The following ZBTB10 variants were observed in gnomAD, a reference collection of about 807,000 sequenced individuals.
ZBTB10 encodes the protein zinc finger and BTB domain-containing protein 10.
Under a neutral mutation model 76.4 loss-of-function variants are expected in ZBTB10, and 32 were observed. The ratio of observed to expected loss-of-function variants is 0.42; its 90% CI spans 0.32 to 0.56. The LOEUF (loss-of-function observed/expected upper bound fraction) is 0.56, where lower values mean the gene tolerates loss of function less well. ZBTB10 is among the 20% of genes least tolerant of loss of function. The pLI is 0.14. For missense variants in ZBTB10, 1,057 were observed against 1,098.5 expected (o/e 0.96, Z 0.53); for synonymous variants, 523 against 432.9 (o/e 1.21, Z -2.58).
At position 80,519,756 on chromosome 8, in the gene ZBTB10, C is replaced by T. The variant is rs999445412; in HGVS notation, c.*228C>T. 12 of 434,050 alleles carry T rather than the reference C, an allele frequency of 2.8e-5. No individual in the cohort carries two copies. Among genetic ancestry groups the T allele is most frequent in the African/African-American group, 2.4e-4 (12 of 50,982 alleles). The allele number at this position is 434,050 out of a possible 1,614,324, so 26.9% of individuals were successfully genotyped here. A position where few individuals can be genotyped will look rare whatever the true frequency, so the allele number is the denominator to read the frequency against. On this transcript the variant is annotated 3_prime_UTR_variant, in exon 6 of 6. Transcript: ENST00000455036. ...TTGGATTACATGGAGTCCCCACATACTCAGTCAGTTATCAAAGTAAAATAT... is the reference window on the plus strand; with the variant it reads ...TTGGATTACATGGAGTCCCCACATATTCAGTCAGTTATCAAAGTAAAATAT...
chr8:80,508,277 AT>A (rs1377870189), intron 2 of ZBTB10, among the ~76,000 whole-genome samples: 1 of 152,178 alleles, frequency 6.6e-6, no homozygotes, highest in African/African-American at 2.4e-5. Context: ...ATAGAACTGA[AT>A]TTTTGGTTTC....
chr8:80,486,942 G>C lies in ZBTB10; in HGVS notation c.132G>C (p.Pro44=). 1.3e-6 allele frequency: 2 copies of C among 1,513,328 alleles called. No homozygotes were observed. Among genetic ancestry groups the C allele is most frequent in the Non-Finnish European group, 1.8e-6 (2 of 1,135,246 alleles). The allele number at this position is 1,513,328 out of a possible 1,614,324, so 93.7% of individuals were successfully genotyped here. ...EASAWPPQPQ[P]RQPPPPAPPA... ...CAGCTTGGCCTCCGCAGCCCCAGCCGAGACAGCCCCCGCCGCCAGCGCCGC... is the reference window on the plus strand; with the variant it reads ...CAGCTTGGCCTCCGCAGCCCCAGCCCAGACAGCCCCCGCCGCCAGCGCCGC... Residue 44 remains proline (P), a synonymous_variant, in exon 1 of 6, where the codon CCG becomes CCC. Coordinates refer to ENST00000455036, the MANE Select transcript of ZBTB10 (RefSeq NM_001105539.3).
intron 1 of ZBTB10, among the ~76,000 whole-genome samples, chr8:80,493,450 A>C (rs1047832007): frequency 2.0e-5 from 3 of 152,140 alleles, no homozygotes; most frequent in African/African-American, 7.2e-5. Flanking sequence ...TATGTGTTTC[A>C]ATCTAGAGGC....
Position 80,486,522 on chromosome 8 carries a change from C to T in ZBTB10, c.-289C>T, listed in dbSNP as rs1053903971. The T allele has an allele frequency of 5.1e-6, 5 of 985,708 alleles. No homozygotes were observed. In the African/African-American group the frequency reaches 7.0e-5, roughly 14 times the overall value. The allele number at this position is 985,708 out of a possible 1,614,324, so 61.1% of individuals were successfully genotyped here. On this transcript the variant is annotated 5_prime_UTR_variant, in exon 1 of 6. Transcript: ENST00000455036. ...TCGCTCCTCACCTCTCCGCCGCCCG[C>T]CCCCTTCTCCGCGCGGGACGCTGCC...
intron 2 of ZBTB10, 54 bp from the exon 3 acceptor site, chr8:80,513,856 G>C: frequency 1.4e-6 from 2 of 1,389,436 alleles, no homozygotes; most frequent in Non-Finnish European, 2.0e-6. Flanking sequence ...GTGGTGTTTT[G>C]GGTGGTGGCT....
chr8:80,494,665 C>T (rs1815734640), intron 1 of ZBTB10, among the ~76,000 whole-genome samples: 1 of 152,082 alleles, frequency 6.6e-6, no homozygotes, highest in African/African-American at 2.4e-5. Context: ...CACCTGTAAA[C>T]TTAGCACTCT....
chr8:80,498,854 G>A (rs1447604426), intron 1 of ZBTB10, among the ~76,000 whole-genome samples: 1 of 152,130 alleles, frequency 6.6e-6, no homozygotes, highest in Non-Finnish European at 1.5e-5. Context: ...ACAGTTTATA[G>A]TACTTATGAC....
In ZBTB10 at chr8:80,487,566, C is replaced by A. The variant is rs1315576591; in HGVS notation, c.756C>A (p.Thr252=). The change falls in exon 1 of 6, where the codon ACC becomes ACA. Residue 252 remains threonine, a synonymous_variant. Transcript: ENST00000455036. ...AGAAGCTCCAATGCTCCTTCCAGAC[C>A]TCCTGGCTCAAGGACTTTCCCTGGC... ...LMQKLQCSFQ[T]SWLKDFPWLR... 1 of 1,610,508 alleles carries A rather than the reference C, an allele frequency of 6.2e-7. No individual in the cohort carries two copies. Among genetic ancestry groups the A allele is most frequent in the Admixed American group, 1.7e-5 (1 of 59,216 alleles).
At chr8:80,508,586 T>G (rs1816115578) in intron 2 of ZBTB10, among the ~76,000 whole-genome samples, 1 of 152,170 alleles carries the variant, frequency 6.6e-6, no homozygotes, top group African/African-American at 2.4e-5. Flanking sequence ...CATGACGGGG[T>G]GCAGTGGAAC....
In ZBTB10 at chr8:80,499,919, C is replaced by T; in HGVS notation, c.1398C>T (p.Ser466=). ...RNFIKDALNI[S]IKSEAPESVV... Reference sequence around the variant, plus strand: ...TCATTAAAGATGCCTTAAATATAAGCATTAAATCAGAAGCTCCAGAGTCTG... The same window carrying T: ...TCATTAAAGATGCCTTAAATATAAGTATTAAATCAGAAGCTCCAGAGTCTG... The change falls in exon 2 of 6, where the codon AGC becomes AGT. Residue 466 remains serine (S), a synonymous_variant. Transcript: ENST00000455036. The T allele has an allele frequency of 6.2e-7, 1 of 1,613,796 alleles. No homozygotes were observed. The highest frequency in any genetic ancestry group is 2.2e-5 in the East Asian group (1 of 44,886).
intron 1 of ZBTB10, 38 bp from the exon 2 acceptor site, chr8:80,499,456 A>C (rs149102917): frequency 1.3e-6 from 2 of 1,506,452 alleles, no homozygotes; most frequent in African/African-American, 2.8e-5. Context: ...TAAAAAAGTC[A>C]ATAAAGTTTA....
intron 2 of ZBTB10, among the ~76,000 whole-genome samples, chr8:80,509,668 T>C (rs986983776): frequency 3.3e-5 from 5 of 152,214 alleles, no homozygotes. Context: ...CATTTACTAA[T>C]ATCATTGGTC....
intron 2 of ZBTB10, among the ~76,000 whole-genome samples, chr8:80,501,754 C>T (rs1815929355): frequency 6.6e-6 from 1 of 151,964 alleles, no homozygotes; most frequent in Non-Finnish European, 1.5e-5. Flanking sequence ...ATATCTTTTT[C>T]CTTGTACTTT....
intron 1 of ZBTB10, among the ~76,000 whole-genome samples, chr8:80,495,528 CA>C (rs1815760673): frequency 6.6e-6 from 1 of 151,824 alleles, no homozygotes; most frequent in Non-Finnish European, 1.5e-5. Flanking sequence ...AGCATCCCCA[CA>C]CTTTAAAAAC....
At chr8:80,490,666 A>T (rs1371346040) in intron 1 of ZBTB10, among the ~76,000 whole-genome samples, 2 of 152,122 alleles carry the variant, frequency 1.3e-5, no homozygotes, top group East Asian at 3.9e-4. Flanking sequence ...TCACAAAGAC[A>T]CTCTTAATAT....
In ZBTB10 at chr8:80,500,352, G is replaced by A. The variant is rs1363594261; in HGVS notation, c.1831G>A (p.Glu611Lys). 6.3e-7 allele frequency: 1 copy of A among 1,580,464 alleles called. No homozygotes were observed. The highest frequency in any genetic ancestry group is 2.3e-5 in the East Asian group (1 of 43,886). Residue 611 changes from glutamate to lysine, a missense_variant, in exon 2 of 6, where the codon GAA (glutamate) becomes AAA (lysine). This residue lies in a region of ZBTB10 where 306 missense variants were observed against 297.5 expected (regional missense o/e 1.03). Coordinates refer to ENST00000455036, the MANE Select transcript of ZBTB10 (RefSeq NM_001105539.3). ...VMQPPVAYPE[E>K]NTLLIKEEPD... The stretch of plus-strand genomic sequence containing the variant: ...GCAGCCACCTGTTGCCTATCCAGAA[G>A]AAAATACACTACTCATCAAGGAAGA...
At chr8:80,498,097 G>C (rs1815832909) in intron 1 of ZBTB10, among the ~76,000 whole-genome samples, 1 of 152,186 alleles carries the variant, frequency 6.6e-6, no homozygotes, top group East Asian at 1.9e-4. Context: ...ATGCACCCAA[G>C]TAAAGCTAAA....
chr8:80,491,719 A>G (rs1815636270), intron 1 of ZBTB10, among the ~76,000 whole-genome samples: 1 of 152,244 alleles, frequency 6.6e-6, no homozygotes, highest in Admixed American at 6.5e-5. Context: ...CTCATTCAGT[A>G]TCTGACCATT....
chr8:80,492,355 T>C (rs1392620056), intron 1 of ZBTB10, among the ~76,000 whole-genome samples: 1 of 152,232 alleles, frequency 6.6e-6, no homozygotes, highest in Non-Finnish European at 1.5e-5. Context: ...GAGATAAAAA[T>C]CTGTATGTTT....
Sources: allele counts gnomAD v4.1 joint callset (sites outside exome capture counted in the v4.1 genomes callset), GRCh38; gene constraint gnomAD v4.1.1; regional missense constraint gnomAD v4.1.1; transcripts MANE v1.5; gene names NCBI Gene and HGNC (gene_info 2026-07-23, HGNC 2026-07-21).